ATP11A: variants seen among roughly 807,000 people sequenced by gnomAD.
ATP11A encodes the protein phospholipid-transporting ATPase IH.
Under a neutral mutation model 154.4 loss-of-function variants are expected in ATP11A, and 81 were observed. That is an observed-to-expected ratio of 0.52 (90% CI 0.44 to 0.63). The LOEUF is 0.63. Among genes scored for constraint, ATP11A ranks in the 30% least tolerant of loss-of-function variants. The pLI, the probability that ATP11A is intolerant of heterozygous loss-of-function variation, is 0.00. For missense variants in ATP11A, 1,316 were observed against 1,474.3 expected (o/e 0.89, Z 1.76); for synonymous variants, 623 against 585.9 (o/e 1.06, Z -0.91).
intron 25 of ATP11A, among the ~76,000 whole-genome samples, chr13:112,865,696 C>T (rs2080307741): frequency 6.6e-6 from 1 of 152,204 alleles, no homozygotes; most frequent in Non-Finnish European, 1.5e-5. Flanking sequence ...ACTACAGGCG[C>T]CCGCCACCAC....
intron 1 of ATP11A, among the ~76,000 whole-genome samples, chr13:112,774,424 T>G (rs1025302783): frequency 6.6e-6 from 1 of 152,156 alleles, no homozygotes; most frequent in African/African-American, 2.4e-5. Flanking sequence ...TTTATTATAT[T>G]TGGAGAAATG....
chr13:112,828,419 T>C (rs1192263359), intron 12 of ATP11A, among the ~76,000 whole-genome samples: 4 of 99,360 alleles, frequency 4.0e-5, no homozygotes, highest in East Asian at 3.5e-4. Flanking sequence ...CGCCCAGCGG[T>C]GTTGAGTGGG....
intron 3 of ATP11A, among the ~76,000 whole-genome samples, chr13:112,805,429 G>C (rs902209765): frequency 2.6e-5 from 4 of 152,286 alleles, no homozygotes; most frequent in African/African-American, 9.6e-5. Flanking sequence ...ACAGTGGCTC[G>C]CCTGTAATCC....
rs553991459 is a variant in ATP11A at position 112,751,287 on chromosome 13, G to T, written c.40-33848G>T. On this transcript the variant is annotated intron_variant, in intron 1 of 29. Transcript: ENST00000375645. ...TACGTTTTTCTTCCATGAACAGCCT[G>T]CGAATACACCCTGCCATTTGTTTAT... Among the ~76,000 whole-genome samples the T allele has an allele frequency of 4.6e-5, 7 of 152,322 alleles. No individual in the cohort carries two copies. In the East Asian group the frequency reaches 1.3e-3, roughly 29 times the overall value.
intron 18 of ATP11A, among the ~76,000 whole-genome samples, chr13:112,852,178 GA>G (rs2079785421): frequency 6.6e-6 from 1 of 151,788 alleles, no homozygotes; most frequent in Non-Finnish European, 1.5e-5. Flanking sequence ...AGGAATGGAA[GA>G]AAAAAAATGC....
At chr13:112,820,456 C>T (rs942151400) in intron 8 of ATP11A, among the ~76,000 whole-genome samples, 4 of 152,228 alleles carry the variant, frequency 2.6e-5, no homozygotes, top group Non-Finnish European at 4.4e-5. Context: ...GGGGCAAGGC[C>T]GGGCAGCTCA....
intron 2 of ATP11A, among the ~76,000 whole-genome samples, chr13:112,801,634 G>A (rs747887754): frequency 3.9e-5 from 6 of 152,214 alleles, no homozygotes; most frequent in Non-Finnish European, 8.8e-5. Flanking sequence ...TATCCTATAT[G>A]CCAGCAATGA....
At chr13:112,781,930 G>T (rs750186600) in intron 1 of ATP11A, among the ~76,000 whole-genome samples, 8 of 152,176 alleles carry the variant, frequency 5.3e-5, no homozygotes, top group Non-Finnish European at 1.0e-4. Flanking sequence ...TGACCTCATG[G>T]CTTCAGGTCC....
chr13:112,873,914 C>T (rs1310273002), intron 27 of ATP11A, among the ~76,000 whole-genome samples: 1 of 152,128 alleles, frequency 6.6e-6, no homozygotes, highest in East Asian at 1.9e-4. Context: ...CTGATAACAG[C>T]TTGTGACGAG....
chr13:112,828,162 GTTGAGTGGGGGGAAAGCGCCCAGCAGCA>G, intron 12 of ATP11A, among the ~76,000 whole-genome samples: 1 of 128,264 alleles, frequency 7.8e-6, no homozygotes. Flanking sequence ...GCCCAGCAGC[GTTGAGTGGGGGGAAAGCGCCCAGCAGCA>G]TTGAGTGCGG....
chr13:112,854,145 C>A, intron 18 of ATP11A, 134 bp from the exon 19 acceptor site: 2 of 1,199,804 alleles, frequency 1.7e-6, no homozygotes, highest in Non-Finnish European at 2.3e-6. Flanking sequence ...AGATCATGAG[C>A]CACAGTGTGG....
chr13:112,831,631 G>A, intron 13 of ATP11A, 83 bp downstream of exon 13: 1 of 1,507,950 alleles, frequency 6.6e-7, no homozygotes. Context: ...TCACTCGAGT[G>A]TCCAGGAAAA....
At chr13:112,860,066 G>A (rs752836332) in intron 23 of ATP11A, among the ~76,000 whole-genome samples, 8 of 148,234 alleles carry the variant, frequency 5.4e-5, no homozygotes, top group Non-Finnish European at 3.0e-5. Flanking sequence ...CTTGAAGTTT[G>A]TGCTGATAGA....
At chr13:112,752,115 T>C (rs2076707035) in intron 1 of ATP11A, among the ~76,000 whole-genome samples, 1 of 152,160 alleles carries the variant, frequency 6.6e-6, no homozygotes, top group South Asian at 2.1e-4. Flanking sequence ...GAAATTAGGA[T>C]GTTTCCTTTC....
chr13:112,776,439 A>G (rs949346437), intron 1 of ATP11A, among the ~76,000 whole-genome samples: 1 of 152,304 alleles, frequency 6.6e-6, no homozygotes, highest in South Asian at 2.1e-4. Context: ...CTGCCCCTCA[A>G]AAGGCAGGTG....
intron 1 of ATP11A, among the ~76,000 whole-genome samples, chr13:112,758,979 T>C (rs2076906473): frequency 1.3e-5 from 2 of 152,262 alleles, no homozygotes; most frequent in South Asian, 2.1e-4. Flanking sequence ...GTGAAAATCA[T>C]TGAACCAATT....
At chr13:112,717,993 T>A (rs1888676619) in intron 1 of ATP11A, among the ~76,000 whole-genome samples, 1 of 152,182 alleles carries the variant, frequency 6.6e-6, no homozygotes, top group Admixed American at 6.5e-5. Context: ...GGAGAATCAC[T>A]TGAACCCAGG....
chr13:112,765,664 G>A (rs7331128), intron 1 of ATP11A, among the ~76,000 whole-genome samples: 4,150 of 152,306 alleles, frequency 0.027, 183 homozygotes, highest in African/African-American at 0.087. Context: ...AGAACCATTC[G>A]ATCTGAAAAC....
At chr13:112,776,816 C>T (rs1394334701) in intron 1 of ATP11A, among the ~76,000 whole-genome samples, 1 of 152,134 alleles carries the variant, frequency 6.6e-6, no homozygotes, top group Non-Finnish European at 1.5e-5. Flanking sequence ...AGGCTGGTTT[C>T]AAACTCCTGA....
Sources: allele counts gnomAD v4.1 joint callset (sites outside exome capture counted in the v4.1 genomes callset), GRCh38; gene constraint gnomAD v4.1.1; transcripts MANE v1.5; gene names NCBI Gene and HGNC (gene_info 2026-07-23, HGNC 2026-07-21).